SORCS3: variants seen among roughly 807,000 people sequenced by gnomAD.
SORCS3 encodes the protein VPS10 domain-containing receptor SorCS3.
Under a neutral mutation model 146.3 loss-of-function variants are expected in SORCS3, and 57 were observed. The observed-to-expected ratio is 0.39, with a 90% CI of 0.31 to 0.49. The LOEUF is 0.49. Among genes scored for constraint, SORCS3 ranks in the 20% least tolerant of loss-of-function variants. The pLI is 0.92. For missense variants in SORCS3, 1,341 were observed against 1,575.5 expected, an observed-to-expected ratio of 0.85 and a Z score of 2.52; for synonymous variants, 653 against 618.5, an observed-to-expected ratio of 1.06 and a Z score of -0.83.
At chr10:105,149,482 G>C (rs942108350) in intron 9 of SORCS3, among the ~76,000 whole-genome samples, 1 of 152,072 alleles carries the variant, frequency 6.6e-6, no homozygotes, top group African/African-American at 2.4e-5. Context: ...AATACCTTTG[G>C]GAAGCTTACA....
chr10:104,661,177 T>G (rs937372879), intron 1 of SORCS3, among the ~76,000 whole-genome samples: 1 of 152,206 alleles, frequency 6.6e-6, no homozygotes, highest in Non-Finnish European at 1.5e-5. Context: ...ATTTCTAGTT[T>G]ATTCCCCTCT....
At chr10:105,230,599 G>C (rs563051870) in intron 20 of SORCS3, among the ~76,000 whole-genome samples, 1 of 152,294 alleles carries the variant, frequency 6.6e-6, no homozygotes, top group African/African-American at 2.4e-5. Flanking sequence ...CACAGTAATG[G>C]CAGCTATGGG....
intron 1 of SORCS3, among the ~76,000 whole-genome samples, chr10:104,821,161 T>C (rs1430083300): frequency 6.6e-6 from 1 of 152,186 alleles, no homozygotes; most frequent in Non-Finnish European, 1.5e-5. Flanking sequence ...CTTCAGGCAT[T>C]CTCTATACTC....
chr10:104,893,772 C>G (rs1229429416), intron 2 of SORCS3, among the ~76,000 whole-genome samples: 2 of 152,158 alleles, frequency 1.3e-5, no homozygotes, highest in African/African-American at 4.8e-5. Context: ...CCTTGCTTTT[C>G]CAGTTATTTC....
chr10:104,954,076 C>A (rs2019461937), intron 3 of SORCS3, among the ~76,000 whole-genome samples: 1 of 152,086 alleles, frequency 6.6e-6, no homozygotes, highest in Admixed American at 6.5e-5. Flanking sequence ...ATGGAGGAGG[C>A]AGATATGTAT....
At chr10:104,779,523 CAGTGTG>C (rs2017349135) in intron 1 of SORCS3, among the ~76,000 whole-genome samples, 3 of 152,200 alleles carry the variant, frequency 2.0e-5, no homozygotes, top group Non-Finnish European at 2.9e-5. Context: ...CCAGGACTTG[CAGTGTG>C]GACATCCAGG....
At chr10:104,865,225 C>T (rs1247603132) in intron 2 of SORCS3, among the ~76,000 whole-genome samples, 3 of 152,030 alleles carry the variant, frequency 2.0e-5, no homozygotes, top group Non-Finnish European at 4.4e-5. Context: ...ATAGGAGGAT[C>T]TGTGTGAAAG....
intron 2 of SORCS3, among the ~76,000 whole-genome samples, chr10:104,893,353 C>G (rs139966269): frequency 1.3e-3 from 193 of 152,298 alleles, no homozygotes; most frequent in African/African-American, 4.5e-3. Context: ...TCCCAGGCAT[C>G]GCCATATGCA....
chr10:104,955,100 A>G (rs2019473271), intron 3 of SORCS3, among the ~76,000 whole-genome samples: 1 of 152,176 alleles, frequency 6.6e-6, no homozygotes, highest in Non-Finnish European at 1.5e-5. Flanking sequence ...AATGTGGTGT[A>G]ATCACTACTA....
intron 2 of SORCS3, among the ~76,000 whole-genome samples, chr10:104,881,047 A>G (rs1413863781): frequency 2.6e-5 from 4 of 152,234 alleles, no homozygotes; most frequent in Admixed American, 6.5e-5. Context: ...TATTTGCTCC[A>G]ACTTCAGCAT....
chr10:104,892,484 G>A (rs1589538811), intron 2 of SORCS3, among the ~76,000 whole-genome samples: 1 of 152,190 alleles, frequency 6.6e-6, no homozygotes, highest in Non-Finnish European at 1.5e-5. Context: ...CACTTTGGGA[G>A]GCTGAGGCGG....
intron 1 of SORCS3, among the ~76,000 whole-genome samples, chr10:104,836,800 A>G (rs2018073827): frequency 6.6e-6 from 1 of 151,974 alleles, no homozygotes; most frequent in Non-Finnish European, 1.5e-5. Flanking sequence ...AACACAGCCC[A>G]TACTGCTCCA....
intron 1 of SORCS3, among the ~76,000 whole-genome samples, chr10:104,734,929 C>T (rs1029825211): frequency 5.9e-5 from 9 of 152,114 alleles, no homozygotes; most frequent in East Asian, 3.9e-4. Flanking sequence ...ATGTGCAGGG[C>T]CTGTTATTAA....
rs1186734377 is a variant in SORCS3 at position 104,658,010 on chromosome 10, A to G, written c.627+16056A>G. 2.6e-5 allele frequency among the ~76,000 whole-genome samples: 4 copies of G among 152,324 alleles called. No homozygotes were observed. In the South Asian group the frequency reaches 6.2e-4, roughly 24 times the overall value. ...AGTAATTACTGTAATATTTTGTTGAATTATTAATATCTACTATGCCTACAG... is the reference window on the plus strand; with the variant it reads ...AGTAATTACTGTAATATTTTGTTGAGTTATTAATATCTACTATGCCTACAG... On this transcript the variant is annotated intron_variant, in intron 1 of 26. Transcript: ENST00000369701.
chr10:104,668,816 T>A (rs2015815825), intron 1 of SORCS3, among the ~76,000 whole-genome samples: 1 of 152,230 alleles, frequency 6.6e-6, no homozygotes. Context: ...GAAGGGAGTC[T>A]AGGAAGAATA....
At chr10:104,875,507 T>A (rs1157225565) in intron 2 of SORCS3, among the ~76,000 whole-genome samples, 1 of 152,220 alleles carries the variant, frequency 6.6e-6, no homozygotes, top group Non-Finnish European at 1.5e-5. Context: ...TGTAAAGTGA[T>A]GAGTGTATGT....
chr10:104,878,637 A>G (rs2018600302), intron 2 of SORCS3, among the ~76,000 whole-genome samples: 1 of 152,252 alleles, frequency 6.6e-6, no homozygotes, highest in African/African-American at 2.4e-5. Context: ...GATGAAATAC[A>G]ATGTGACCAT....
At chr10:105,037,367 T>C (rs2055313525) in intron 4 of SORCS3, among the ~76,000 whole-genome samples, 1 of 152,166 alleles carries the variant, frequency 6.6e-6, no homozygotes, top group South Asian at 2.1e-4. Flanking sequence ...CAAAGCCCCA[T>C]GAACTTGGTG....
chr10:104,662,625 G>A (rs1564653810), intron 1 of SORCS3, among the ~76,000 whole-genome samples: 1 of 152,196 alleles, frequency 6.6e-6, no homozygotes, highest in Non-Finnish European at 1.5e-5. Context: ...GGGCTAAGAT[G>A]GGTTTTCAGC....
Sources: allele counts gnomAD v4.1 joint callset (sites outside exome capture counted in the v4.1 genomes callset), GRCh38; gene constraint gnomAD v4.1.1; transcripts MANE v1.5; gene names NCBI Gene and HGNC (gene_info 2026-07-23, HGNC 2026-07-21).